Variants in PPME1 observed in about 807,000 individuals in gnomAD.
The protein encoded by PPME1 is protein phosphatase methylesterase 1.
PPME1 carries 17 observed loss-of-function variants against 56.9 expected under a neutral mutation model. The ratio of observed to expected loss-of-function variants is 0.30; its 90% CI spans 0.20 to 0.45. PPME1 has a LOEUF of 0.45. PPME1 is among the 20% of genes least tolerant of loss of function. The pLI is 1.00. For missense variants in PPME1, 357 were observed against 483.2 expected (o/e 0.74, Z 2.45); for synonymous variants, 122 against 156.2 (o/e 0.78, Z 1.63).
intron 1 of PPME1, among the ~76,000 whole-genome samples, chr11:74,187,449 G>C (rs957640577): frequency 1.8e-4 from 28 of 151,852 alleles, no homozygotes; most frequent in African/African-American, 5.1e-4. Context: ...TTTAAATCTT[G>C]CATTTATTTG....
intron 3 of PPME1, among the ~76,000 whole-genome samples, chr11:74,206,138 T>C (rs957079341): frequency 7.9e-5 from 12 of 152,212 alleles, no homozygotes; most frequent in African/African-American, 2.4e-4. Flanking sequence ...CGCAAATAGA[T>C]TGCAAAATTT....
At chr11:74,212,599 T>A (rs1309028051) in intron 3 of PPME1, among the ~76,000 whole-genome samples, 3 of 152,046 alleles carry the variant, frequency 2.0e-5, no homozygotes, top group Non-Finnish European at 4.4e-5. Context: ...ACTCCTTCTT[T>A]CTGCTTGAAG....
chr11:74,182,413 G>A (rs747245441), intron 1 of PPME1, among the ~76,000 whole-genome samples: 1 of 151,646 alleles, frequency 6.6e-6, no homozygotes, highest in Admixed American at 6.6e-5. Flanking sequence ...AGGCTGGAGT[G>A]CAGTGGCATG....
intron 1 of PPME1, among the ~76,000 whole-genome samples, chr11:74,196,867 A>G (rs1309705958): frequency 6.6e-6 from 1 of 152,228 alleles, no homozygotes; most frequent in Non-Finnish European, 1.5e-5. Context: ...TTCTCCAGAT[A>G]TCAGGATAGC....
At chr11:74,190,951 T>G (rs1857820926) in intron 1 of PPME1, among the ~76,000 whole-genome samples, 2 of 152,116 alleles carry the variant, frequency 1.3e-5, no homozygotes, top group Admixed American at 1.3e-4. Flanking sequence ...AAGTTGAACT[T>G]GAGAGTGATC....
At chr11:74,215,493 T>C (rs1041095581) in intron 3 of PPME1, among the ~76,000 whole-genome samples, 1 of 152,168 alleles carries the variant, frequency 6.6e-6, no homozygotes, top group Non-Finnish European at 1.5e-5. Context: ...TGATACTATT[T>C]GCAAGCAAAC....
chr11:74,184,021 A>G lies in PPME1; in HGVS notation c.101+12499A>G, dbSNP rs555558383. On this transcript the variant is annotated intron_variant, in intron 1 of 13. Coordinates refer to ENST00000328257, the MANE Select transcript of PPME1 (RefSeq NM_016147.3). ...AAATTTAAAAAATATGATTATTGAA[A>G]GCTTGCAAAAATGAACTCGTGCCCT... 1.8e-4 allele frequency among the ~76,000 whole-genome samples: 28 copies of G among 152,272 alleles called. No homozygotes were observed. In the East Asian group the frequency reaches 5.0e-3, roughly 27 times the overall value.
chr11:74,194,517 G>A (rs900533399), intron 1 of PPME1, among the ~76,000 whole-genome samples: 2 of 151,630 alleles, frequency 1.3e-5, no homozygotes, highest in African/African-American at 2.4e-5. Flanking sequence ...TCATCTATGC[G>A]TTTAAGAAGA....
At chr11:74,246,258 C>T (rs1859500090) in intron 10 of PPME1, 53 bp downstream of exon 10, 1 of 1,445,648 alleles carries the variant, frequency 6.9e-7, no homozygotes, top group Non-Finnish European at 9.2e-7. Flanking sequence ...AACCAAATAT[C>T]ATAGACTGAG....
At chr11:74,235,336 A>G (rs182871530) in intron 7 of PPME1, among the ~76,000 whole-genome samples, 109 of 151,826 alleles carry the variant, frequency 7.2e-4, no homozygotes, top group African/African-American at 2.5e-3. Context: ...CTGCCTTCCA[A>G]TCCTATTCTG....
chr11:74,243,146 A>G (rs1172582771), intron 9 of PPME1, among the ~76,000 whole-genome samples: 5 of 152,054 alleles, frequency 3.3e-5, no homozygotes, highest in Admixed American at 2.0e-4. Flanking sequence ...CTCCCACCCA[A>G]CAACAAGTGG....
At chr11:74,228,822 A>T (rs1858994942) in intron 5 of PPME1, among the ~76,000 whole-genome samples, 1 of 152,180 alleles carries the variant, frequency 6.6e-6, no homozygotes, top group Admixed American at 6.5e-5. Flanking sequence ...CTGAATAAGT[A>T]TTAGTTCTCT....
intron 1 of PPME1, among the ~76,000 whole-genome samples, chr11:74,172,980 T>A (rs530540666): frequency 1.3e-4 from 20 of 151,712 alleles, no homozygotes; most frequent in Admixed American, 1.2e-3. Context: ...AACAGTGGGG[T>A]AAAGGAATGG....
intron 12 of PPME1, 149 bp from the exon 13 acceptor site, chr11:74,251,499 G>A (rs953621056): frequency 1.9e-5 from 28 of 1,449,288 alleles, no homozygotes; most frequent in Admixed American, 2.8e-5. Context: ...CTGCTAGGGA[G>A]GGCCTAGGTC....
intron 9 of PPME1, chr11:74,243,506 A>C (rs1859429057): frequency 6.6e-6 from 1 of 152,200 alleles, no homozygotes; most frequent in Non-Finnish European, 1.5e-5. Flanking sequence ...GTTGTGGGGA[A>C]TAGGACAGGC....
intron 3 of PPME1, among the ~76,000 whole-genome samples, chr11:74,216,135 A>T (rs1181928373): frequency 6.6e-6 from 1 of 152,238 alleles, no homozygotes. Context: ...TGCACTATAT[A>T]TCAAATGGAC....
chr11:74,218,415 A>G (rs189587029), intron 3 of PPME1, among the ~76,000 whole-genome samples: 2 of 152,266 alleles, frequency 1.3e-5, no homozygotes, highest in Non-Finnish European at 2.9e-5. Context: ...AAATTTCTAT[A>G]GAACCACAGA....
In PPME1 at chr11:74,217,536, C is replaced by T. The variant is rs1416664932; in HGVS notation, c.289-4776C>T. ...TATCCTGGGTGACACAGCAAGACTCCGTCTCAAAAAAAAAAAAAAAAAAAA... is the reference window on the plus strand; with the variant it reads ...TATCCTGGGTGACACAGCAAGACTCTGTCTCAAAAAAAAAAAAAAAAAAAA... On this transcript the variant is annotated intron_variant, in intron 3 of 13. Coordinates refer to ENST00000328257, the MANE Select transcript of PPME1 (RefSeq NM_016147.3). 2.6e-5 allele frequency among the ~76,000 whole-genome samples: 3 copies of T among 115,200 alleles called. 1 individual carries two copies. The highest frequency in any genetic ancestry group is 1.8e-4 in the Admixed American group (2 of 10,834). The allele number at this position is 115,200 out of a possible 152,430, so 75.6% of individuals were successfully genotyped here.
At chr11:74,200,426 G>A (rs1488835865) in intron 1 of PPME1, among the ~76,000 whole-genome samples, 1 of 151,258 alleles carries the variant, frequency 6.6e-6, no homozygotes, top group Non-Finnish European at 1.5e-5. Flanking sequence ...CTGTCACCCA[G>A]GCTGGAGGGC....
Sources: allele counts gnomAD v4.1 joint callset (sites outside exome capture counted in the v4.1 genomes callset), GRCh38; gene constraint gnomAD v4.1.1; transcripts MANE v1.5; gene names NCBI Gene and HGNC (gene_info 2026-07-23, HGNC 2026-07-21).